Variants in DPP10 observed in about 807,000 individuals in gnomAD.
DPP10 encodes dipeptidyl peptidase like 10.
DPP10 carries 33 observed loss-of-function variants against 120.9 expected under a neutral mutation model. The observed-to-expected ratio is 0.27, with a 90% CI of 0.21 to 0.37. The LOEUF (loss-of-function observed/expected upper bound fraction) is 0.37, where lower values mean the gene tolerates loss of function less well. Among genes scored for constraint, DPP10 ranks in the 10% least tolerant of loss-of-function variants. The pLI is 1.00. For synonymous variants in DPP10, 337 were observed against 326.1 expected (o/e 1.03, Z -0.36); for missense variants, 816 against 942.8 (o/e 0.87, Z 1.76).
chr2:114,535,561 G>A (rs767418417), intron 1 of DPP10, among the ~76,000 whole-genome samples: 6 of 152,202 alleles, frequency 3.9e-5, no homozygotes, highest in South Asian at 4.2e-4. Context: ...CTAAACCAGC[G>A]AATGTTCCTT....
At chr2:115,696,900 G>T (rs2091622565) in intron 7 of DPP10, among the ~76,000 whole-genome samples, 2 of 152,074 alleles carry the variant, frequency 1.3e-5, no homozygotes, top group Non-Finnish European at 2.9e-5. Context: ...ACCTTTGGAT[G>T]TACAATATAC....
intron 5 of DPP10, among the ~76,000 whole-genome samples, chr2:115,637,106 A>G (rs577567358): frequency 2.1e-4 from 32 of 152,344 alleles, no homozygotes; most frequent in African/African-American, 7.2e-4. Flanking sequence ...CAGTAAAATA[A>G]ATGTTAAAGG....
chr2:114,567,855 T>C (rs1689321509), intron 1 of DPP10, among the ~76,000 whole-genome samples: 1 of 151,964 alleles, frequency 6.6e-6, no homozygotes, highest in South Asian at 2.1e-4. Context: ...CACTGGGGCC[T>C]GTGGGAGGTC....
At chr2:114,689,053 T>G (rs1260593540) in intron 1 of DPP10, among the ~76,000 whole-genome samples, 2 of 151,720 alleles carry the variant, frequency 1.3e-5, no homozygotes, top group Non-Finnish European at 2.9e-5. Flanking sequence ...GTTTGTTTTT[T>G]TTTAATTTCT....
intron 3 of DPP10, among the ~76,000 whole-genome samples, chr2:115,350,435 A>G (rs375367341): frequency 9.3e-4 from 142 of 152,102 alleles, no homozygotes; most frequent in African/African-American, 3.3e-3. Context: ...GTTTCCTACT[A>G]TGGCAATTTT....
intron 1 of DPP10, among the ~76,000 whole-genome samples, chr2:115,137,264 A>C (rs1573747639): frequency 6.6e-6 from 1 of 152,210 alleles, no homozygotes; most frequent in African/African-American, 2.4e-5. Flanking sequence ...AGAACTTTAG[A>C]GAGTGCAAGA....
chr2:114,686,334 T>C (rs1364953928), intron 1 of DPP10, among the ~76,000 whole-genome samples: 3 of 151,970 alleles, frequency 2.0e-5, no homozygotes, highest in Non-Finnish European at 4.4e-5. Context: ...TAAAGTTATC[T>C]ATTGGTTTGA....
intron 1 of DPP10, among the ~76,000 whole-genome samples, chr2:115,299,599 A>G (rs1275625757): frequency 6.6e-6 from 1 of 152,054 alleles, no homozygotes; most frequent in African/African-American, 2.4e-5. Context: ...CTGTCTATAA[A>G]TTATATAGAC....
intron 21 of DPP10, among the ~76,000 whole-genome samples, chr2:115,826,918 A>G (rs1403782761): frequency 6.6e-6 from 1 of 152,070 alleles, no homozygotes. Flanking sequence ...TTTTTATTCA[A>G]TCTGACAGAC....
intron 5 of DPP10, among the ~76,000 whole-genome samples, chr2:115,664,948 AAGT>A (rs879563246): frequency 0.076 from 11,600 of 151,966 alleles, 622 homozygotes; most frequent in Non-Finnish European, 0.11. Flanking sequence ...GCCATGTCTC[AAGT>A]GCTCTAGTCG....
chr2:114,726,351 C>T (rs1453420344), intron 1 of DPP10, among the ~76,000 whole-genome samples: 1 of 152,126 alleles, frequency 6.6e-6, no homozygotes, highest in Admixed American at 6.5e-5. Flanking sequence ...GCCTCACTCC[C>T]CAAGGTAAAT....
At chr2:114,566,085 A>G (rs1375987058) in intron 1 of DPP10, among the ~76,000 whole-genome samples, 1 of 152,230 alleles carries the variant, frequency 6.6e-6, no homozygotes, top group Middle Eastern at 3.2e-3. Context: ...AAAGAGAAAG[A>G]GAAAGCAGGC....
At chr2:115,419,956 A>G (rs993863897) in intron 3 of DPP10, among the ~76,000 whole-genome samples, 1 of 152,182 alleles carries the variant, frequency 6.6e-6, no homozygotes. Context: ...GCAATTGTAT[A>G]TATCTGTAGA....
intron 1 of DPP10, among the ~76,000 whole-genome samples, chr2:115,236,291 A>G (rs1242970367): frequency 6.6e-6 from 1 of 152,232 alleles, no homozygotes; most frequent in East Asian, 1.9e-4. Flanking sequence ...CATCTTTCAG[A>G]ATATACCATG....
At chr2:115,538,970 G>C (rs2079027809) in intron 5 of DPP10, among the ~76,000 whole-genome samples, 1 of 151,850 alleles carries the variant, frequency 6.6e-6, no homozygotes, top group Non-Finnish European at 1.5e-5. Flanking sequence ...AAATATATTA[G>C]TAATTGATTT....
rs139249934 is a variant in DPP10, at chr2:114,766,779, G to C, written c.60+323941G>C. On this transcript the variant is annotated intron_variant, in intron 1 of 25. Coordinates refer to ENST00000410059, the MANE Select transcript of DPP10 (RefSeq NM_020868.6). The stretch of plus-strand genomic sequence containing the variant: ...GAACAAATTAATAGTTGCCAGGGGG[G>C]CAGAGATAGGGGTAGGATTTGAATA... Among the ~76,000 whole-genome samples the C allele has an allele frequency of 4.3e-3, 660 of 152,188 alleles. 5 individuals carry two copies. The highest frequency in any genetic ancestry group is 0.015 in the African/African-American group (628 of 41,508).
chr2:114,593,298 G>C (rs1011834416), intron 1 of DPP10, among the ~76,000 whole-genome samples: 1 of 152,148 alleles, frequency 6.6e-6, no homozygotes, highest in Admixed American at 6.6e-5. Context: ...GCAGAGCCAC[G>C]CAATTAATAG....
chr2:115,835,843 A>C (rs1689430128), intron 21 of DPP10, among the ~76,000 whole-genome samples: 2 of 152,106 alleles, frequency 1.3e-5, no homozygotes, highest in Non-Finnish European at 2.9e-5. Context: ...GGCAATTTCC[A>C]GATGTATAGT....
chr2:114,499,064 A>G (rs1330504008), intron 1 of DPP10, among the ~76,000 whole-genome samples: 1 of 152,230 alleles, frequency 6.6e-6, no homozygotes, highest in Non-Finnish European at 1.5e-5. Flanking sequence ...GACAAATCCC[A>G]TAGTCCTGAA....
Sources: gnomAD v4.1 joint callset for allele counts (sites outside exome capture counted in the v4.1 genomes callset) on GRCh38, gnomAD v4.1.1 for gene constraint, MANE v1.5 for transcripts, NCBI Gene and HGNC (gene_info 2026-07-23, HGNC 2026-07-21) for gene names.